The following VSX2 variants were observed in gnomAD, a reference collection of about 807,000 sequenced individuals.
VSX2 encodes the protein visual system homeobox 2, also known as ceh-10 homeo domain containing homolog.
A neutral mutation model predicts 32.1 loss-of-function variants in VSX2; 28 were observed. The observed-to-expected ratio is 0.87, with a 90% CI of 0.65 to 1.20. The LOEUF (loss-of-function observed/expected upper bound fraction) is 1.20, where lower values mean the gene tolerates loss of function less well. Ranked by LOEUF, VSX2 falls within the 50% of genes most tolerant of loss-of-function variation. The pLI, the probability that VSX2 is intolerant of heterozygous loss-of-function variation, is 0.00. For missense variants in VSX2, 506 were observed against 488.7 expected (o/e 1.04, Z -0.33); for synonymous variants, 243 against 214.1 (o/e 1.14, Z -1.18).
intron 2 of VSX2, 23 bp from the exon 3 acceptor site, chr14:74,245,142 G>A: frequency 2.5e-6 from 4 of 1,613,518 alleles, no homozygotes; most frequent in Non-Finnish European, 3.4e-6. Flanking sequence ...GGGGTCCTGA[G>A]TGTTCGGTCT....
chr14:74,257,419 G>T (rs1374086169), intron 3 of VSX2, among the ~76,000 whole-genome samples: 2 of 152,270 alleles, frequency 1.3e-5, no homozygotes, highest in Non-Finnish European at 1.5e-5. Flanking sequence ...CTGCCCAAAC[G>T]GGGATGGAGC....
At chr14:74,258,505 C>T (rs2079282529) in intron 3 of VSX2, among the ~76,000 whole-genome samples, 1 of 152,116 alleles carries the variant, frequency 6.6e-6, no homozygotes, top group African/African-American at 2.4e-5. Flanking sequence ...CCGACTCCCT[C>T]GACTTCCCTG....
At chr14:74,260,545 GGCTTTCCCAGGC>G (rs1415400037) in intron 4 of VSX2, 37 bp from the exon 5 acceptor site, 12 of 1,543,626 alleles carry the variant, frequency 7.8e-6, no homozygotes, top group African/African-American at 1.4e-5. Context: ...AGTTCAAGAT[GGCTTTCCCAGGC>G]GCTTTTCTAA....
chr14:74,239,542 C>A lies in VSX2; in HGVS notation c.-20C>A. The A allele has an allele frequency of 3.2e-6, 5 of 1,550,674 alleles. No homozygotes were observed. In the South Asian group the frequency reaches 4.8e-5, roughly 15 times the overall value. On this transcript the variant is annotated 5_prime_UTR_variant, in exon 1 of 5. Coordinates refer to ENST00000261980, the MANE Select transcript of VSX2 (RefSeq NM_182894.3). ...GGGAGCTAAAGACCTGCGGCCTCAG[C>A]CCCTCCAAAGAACAGGGAGATGACG... is the stretch of plus-strand genomic sequence containing the variant.
At chr14:74,254,496 G>C (rs760739652) in intron 3 of VSX2, among the ~76,000 whole-genome samples, 5 of 152,216 alleles carry the variant, frequency 3.3e-5, no homozygotes, top group African/African-American at 4.8e-5. Context: ...AAATGCCTAA[G>C]GGGGAAGTAG....
chr14:74,260,654 G>C lies in VSX2; in HGVS notation c.821G>C (p.Arg274Pro), dbSNP rs369647679. The change falls in exon 5 of 5, where the codon CGC becomes CCC. Residue 274 changes from arginine to proline, a missense_variant. Arg to Pro is a moderately radical substitution (Grantham distance 103). Coordinates refer to ENST00000261980, the MANE Select transcript of VSX2 (RefSeq NM_182894.3). ...TCGGGGAGGAAGCCCGAGGGGGAAC[G>C]CCAGGCCCTGCCCAAGCTCGACAAG... ...AESGRKPEGE[R>P]QALPKLDKME... 1 of 1,603,100 alleles carries C rather than the reference G, an allele frequency of 6.2e-7. No homozygotes were observed. Among genetic ancestry groups the C allele is most frequent in the Non-Finnish European group, 8.5e-7 (1 of 1,175,540 alleles).
intron 2 of VSX2, among the ~76,000 whole-genome samples, chr14:74,244,929 T>TGTGAGA (rs1555387789): frequency 5.1e-5 from 2 of 38,852 alleles, no homozygotes. Context: ...TGTGTGTGTG[T>TGTGAGA]GAAAGAGAGA....
rs964346528 is a variant in VSX2 at position 74,262,214 on chromosome 14, A to T, written c.*1295A>T. The T allele has an allele frequency of 4.6e-5, 7 of 152,368 alleles. No individual in the cohort carries two copies. Among genetic ancestry groups the T allele is most frequent in the African/African-American group, 1.7e-4 (7 of 41,462 alleles). 9.4% of individuals were successfully genotyped at this position (152,368 alleles called of 1,614,324 possible). ...TGCCAGGAAGCACGTTCACTAGACT[A>T]AAACACGGTAACCATGATGGAATAA... On this transcript the variant is annotated 3_prime_UTR_variant, in exon 5 of 5. Coordinates refer to ENST00000261980, the MANE Select transcript of VSX2 (RefSeq NM_182894.3).
chr14:74,262,384 C>T lies in VSX2; in HGVS notation c.*1465C>T, dbSNP rs1326876435. The T allele has an allele frequency of 6.6e-6, 1 of 152,282 alleles. No individual in the cohort carries two copies. The highest frequency in any genetic ancestry group is 1.5e-5 in the Non-Finnish European group (1 of 68,082). 9.4% of individuals were successfully genotyped at this position (152,282 alleles called of 1,614,324 possible). On this transcript the variant is annotated 3_prime_UTR_variant, in exon 5 of 5. Coordinates refer to ENST00000261980, the MANE Select transcript of VSX2 (RefSeq NM_182894.3). ...CAGATTCCCAGGCCAGGCTCCCGAC[C>T]CCATCCACCTATCCACCACCCCACC...
At chr14:74,245,000 G>GAGAC (rs1555387802) in intron 2 of VSX2, among the ~76,000 whole-genome samples, 165 bp from the exon 3 acceptor site, 8 of 127,692 alleles carry the variant, frequency 6.3e-5, no homozygotes, top group South Asian at 2.6e-4. Flanking sequence ...GAGAGAGAGA[G>GAGAC]AGAGAGACAG....
Position 74,259,641 on chromosome 14 carries a change from G to T in VSX2, c.619G>T (p.Glu207Ter). The change falls in exon 4 of 5, where the codon GAG becomes TAG. Residue 207 changes from glutamate (E) to a stop codon, truncating the protein, a stop_gained. Coordinates refer to ENST00000261980, the MANE Select transcript of VSX2 (RefSeq NM_182894.3). LOFTEE classifies it high-confidence loss of function. ...QNRRAKWRKREKCWGRSSVMA... is the reference protein window; with the variant it reads ...QNRRAKWRKR The stretch of plus-strand genomic sequence containing the variant: ...CCGTCGAGCCAAGTGGAGGAAGCGG[G>T]AGAAGTGCTGGGGCCGGAGCAGTGT... The T allele has an allele frequency of 6.2e-7, 1 of 1,614,226 alleles. No homozygotes were observed. Among genetic ancestry groups the T allele is most frequent in the Non-Finnish European group, 8.5e-7 (1 of 1,180,030 alleles).
chr14:74,241,614 G>A (rs773921767), intron 2 of VSX2, among the ~76,000 whole-genome samples: 2 of 152,184 alleles, frequency 1.3e-5, no homozygotes, highest in African/African-American at 4.8e-5. Context: ...ACCCGGCGGC[G>A]GGCAGATTAG....
intron 2 of VSX2, among the ~76,000 whole-genome samples, chr14:74,244,907 T>TGAGAGAGAGAAAGAGAGAGAGAAA (rs2079175467): frequency 9.4e-6 from 1 of 106,348 alleles, no homozygotes; most frequent in African/African-American, 3.6e-5. Flanking sequence ...TGTGTGTGTG[T>TGAGAGAGAGAAAGAGAGAGAGAAA]GTGTGTGTGT....
chr14:74,259,017 G>C (rs1041081360), intron 3 of VSX2, among the ~76,000 whole-genome samples: 1 of 152,172 alleles, frequency 6.6e-6, no homozygotes, highest in African/African-American at 2.4e-5. Context: ...GGTGGAGGAG[G>C]CAGGCTGACC....
At chr14:74,242,089 C>G (rs983845823) in intron 2 of VSX2, among the ~76,000 whole-genome samples, 1 of 149,610 alleles carries the variant, frequency 6.7e-6, no homozygotes, top group Admixed American at 6.7e-5. Context: ...GCACCAGCCG[C>G]ACTGCTACCA....
intron 1 of VSX2, 117 bp from the exon 2 acceptor site, chr14:74,241,065 G>T: frequency 1.2e-5 from 13 of 1,041,028 alleles, no homozygotes; most frequent in Non-Finnish European, 1.9e-5. Context: ...GCTTCCTGGG[G>T]AGACAGAGCA....
At chr14:74,256,192 A>G (rs2079261505) in intron 3 of VSX2, among the ~76,000 whole-genome samples, 1 of 152,150 alleles carries the variant, frequency 6.6e-6, no homozygotes, top group African/African-American at 2.4e-5. Context: ...GCACTTTGGG[A>G]GGCCAAGGCG....
chr14:74,245,014 G>C (rs1357284137), intron 2 of VSX2, 151 bp from the exon 3 acceptor site: 40 of 800,848 alleles, frequency 5.0e-5, no homozygotes, highest in Non-Finnish European at 7.3e-5. Context: ...GAGACAGAGA[G>C]AGAGAGAGAG....
chr14:74,250,625 A>G (rs1291908939), intron 3 of VSX2, among the ~76,000 whole-genome samples: 1 of 152,054 alleles, frequency 6.6e-6, no homozygotes, highest in Non-Finnish European at 1.5e-5. Flanking sequence ...ATATTCCAGA[A>G]TTAAGAAGAT....
Sources: allele counts gnomAD v4.1 joint callset (sites outside exome capture counted in the v4.1 genomes callset), GRCh38; gene constraint gnomAD v4.1.1; transcripts MANE v1.5; gene names NCBI Gene and HGNC (gene_info 2026-07-23, HGNC 2026-07-21).